Variants in COLEC10 observed in about 807,000 individuals in gnomAD.
The protein encoded by COLEC10 is collectin-10.
COLEC10 carries 22 observed loss-of-function variants against 28.4 expected under a neutral mutation model. That is an observed-to-expected ratio of 0.78 (90% confidence interval 0.55 to 1.11). COLEC10 has a LOEUF of 1.11. Among genes scored for constraint, COLEC10 ranks in the 50% least tolerant of loss-of-function variants. The probability of loss-of-function intolerance (pLI) is 0.00; values close to 1 mark genes in which losing one functional copy is unlikely to be tolerated. For synonymous variants in COLEC10, 125 were observed against 116.1 expected, an observed-to-expected ratio of 1.08 and a Z score of -0.49; for missense variants, 361 against 344.1, an observed-to-expected ratio of 1.05 and a Z score of -0.39.
chr8:119,105,763 G>C, intron 5 of COLEC10, 37 bp from the exon 6 acceptor site: 2 of 1,538,410 alleles, frequency 1.3e-6, no homozygotes, highest in Middle Eastern at 1.8e-4. Flanking sequence ...TTATCTTTTT[G>C]AGATACGTAA....
the COLEC10 span, among the ~76,000 whole-genome samples, chr8:118,977,283 T>A: frequency 0.075 from 9,578 of 128,234 alleles, 630 homozygotes; most frequent in East Asian, 0.17. Flanking sequence ...TCATGCTGCT[T>A]TAAAGACACA....
In COLEC10 at chr8:119,107,025, C is replaced by T. The variant is rs190215307; in HGVS notation, c.*834C>T. ...AGTTCTCTTGCTAAATTGCCCACTG[C>T]TATTAACTTAACTTCATTTTTATTT... On this transcript the variant is annotated 3_prime_UTR_variant, in exon 6 of 6. Transcript: ENST00000332843. Among the ~76,000 whole-genome samples the T allele has an allele frequency of 1.3e-3, 204 of 152,222 alleles. 6 individuals carry two copies. The highest frequency in any genetic ancestry group is 3.9e-4 in the Admixed American group (6 of 15,290).
At chr8:119,047,483 T>G (rs1814606149) in intron 2 of COLEC10, among the ~76,000 whole-genome samples, 1 of 152,220 alleles carries the variant, frequency 6.6e-6, no homozygotes, top group Admixed American at 6.5e-5. Flanking sequence ...GGGTTTTTAT[T>G]GCATTTGGTG....
the COLEC10 span, among the ~76,000 whole-genome samples, chr8:118,964,895 A>C: frequency 6.6e-6 from 1 of 152,140 alleles, no homozygotes; most frequent in Non-Finnish European, 1.5e-5. Context: ...TGATAACCTA[A>C]GTTATTTGTA....
chr8:119,091,138 T>C lies in COLEC10; in HGVS notation c.221-11T>C, dbSNP rs1163197574. Reference sequence around the variant, plus strand: ...ACCTTATGATAAAAAGATAACATGTTTGCTTTTCAGGAATTAAAGGAGAAC... The same window carrying C: ...ACCTTATGATAAAAAGATAACATGTCTGCTTTTCAGGAATTAAAGGAGAAC... On this transcript the variant is annotated splice_polypyrimidine_tract_variant and intron_variant, in intron 2 of 5. Coordinates refer to ENST00000332843, the MANE Select transcript of COLEC10 (RefSeq NM_006438.5). 6.2e-7 allele frequency: 1 copy of C among 1,609,088 alleles called. No homozygotes were observed. The highest frequency in any genetic ancestry group is 1.7e-5 in the Admixed American group (1 of 59,878).
chr8:118,987,039 A>C, the COLEC10 span, among the ~76,000 whole-genome samples: 1 of 152,136 alleles, frequency 6.6e-6, no homozygotes, highest in South Asian at 2.1e-4. Context: ...ATGTTATGTG[A>C]ATTTCACCTT....
chr8:118,992,170 C>T (rs934357437), upstream of COLEC10, among the ~76,000 whole-genome samples: 1 of 152,040 alleles, frequency 6.6e-6, no homozygotes, highest in Non-Finnish European at 1.5e-5. Context: ...AGGTCTATAT[C>T]GGAATCACAG....
intron 2 of COLEC10, among the ~76,000 whole-genome samples, chr8:119,041,172 A>T (rs1814487592): frequency 6.6e-6 from 1 of 152,134 alleles, no homozygotes; most frequent in Non-Finnish European, 1.5e-5. Context: ...TCAGTCTCAA[A>T]CCTAGCTTCG....
chr8:119,046,742 T>A (rs1482361035), intron 2 of COLEC10, among the ~76,000 whole-genome samples: 1 of 152,224 alleles, frequency 6.6e-6, no homozygotes, highest in African/African-American at 2.4e-5. Flanking sequence ...ATCTTTATTT[T>A]AGTCTTTCTT....
chr8:119,080,931 T>C (rs1263362740), intron 1 of COLEC10, among the ~76,000 whole-genome samples: 1 of 152,176 alleles, frequency 6.6e-6, no homozygotes, highest in African/African-American at 2.4e-5. Flanking sequence ...CTCCTTATTT[T>C]TAGTATCAGT....
At chr8:119,083,179 C>T (rs1815401072) in intron 1 of COLEC10, among the ~76,000 whole-genome samples, 1 of 152,276 alleles carries the variant, frequency 6.6e-6, no homozygotes, top group African/African-American at 2.4e-5. Context: ...GGTCCAGCTG[C>T]TCAAGTCACG....
chr8:119,013,683 A>T (rs1813939748), intron 2 of COLEC10, among the ~76,000 whole-genome samples: 1 of 150,652 alleles, frequency 6.6e-6, no homozygotes, highest in African/African-American at 2.5e-5. Context: ...AAGTATTGTT[A>T]TGTCTTTAAA....
chr8:119,102,636 G>A, intron 4 of COLEC10: 1 of 419,220 alleles, frequency 2.4e-6, no homozygotes, highest in Non-Finnish European at 4.2e-6. Flanking sequence ...ACTATGAGAA[G>A]AAAGCCCAGC....
At chr8:119,018,215 T>C (rs745575261) in intron 2 of COLEC10, among the ~76,000 whole-genome samples, 2 of 152,198 alleles carry the variant, frequency 1.3e-5, no homozygotes, top group African/African-American at 2.4e-5. Flanking sequence ...GAAGAAGAAA[T>C]TATTCTTTCG....
intron 1 of COLEC10, among the ~76,000 whole-genome samples, chr8:119,071,431 C>G (rs765557044): frequency 2.6e-5 from 4 of 152,118 alleles, no homozygotes; most frequent in Non-Finnish European, 5.9e-5. Flanking sequence ...AATGGGCATG[C>G]TGGTCTTGGC....
chr8:119,075,729 C>T (rs16891948), intron 1 of COLEC10, among the ~76,000 whole-genome samples: 8,334 of 152,044 alleles, frequency 0.055, 398 homozygotes, highest in East Asian at 0.19. Context: ...CTCTTGCATG[C>T]GATTTGACCA....
At chr8:119,070,633 C>G (rs1432338236) in intron 1 of COLEC10, among the ~76,000 whole-genome samples, 1 of 149,828 alleles carries the variant, frequency 6.7e-6, no homozygotes, top group Middle Eastern at 3.2e-3. Context: ...CCCTCTTCCC[C>G]CATCTTGGTG....
chr8:119,082,422 A>T (rs1003279180), intron 1 of COLEC10, among the ~76,000 whole-genome samples: 1 of 152,180 alleles, frequency 6.6e-6, no homozygotes, highest in Non-Finnish European at 1.5e-5. Flanking sequence ...TTTATTTTGA[A>T]AACAATTATT....
chr8:118,952,886 T>C, the COLEC10 span, among the ~76,000 whole-genome samples: 4 of 152,222 alleles, frequency 2.6e-5, no homozygotes, highest in Non-Finnish European at 5.9e-5. Flanking sequence ...GTCCCATTCA[T>C]GGATTACAGT....
Sources: gnomAD v4.1 joint callset for allele counts (sites outside exome capture counted in the v4.1 genomes callset) on GRCh38, gnomAD v4.1.1 for gene constraint, MANE v1.5 for transcripts, NCBI Gene and HGNC (gene_info 2026-07-23, HGNC 2026-07-21) for gene names.